The following KIAA1549 variants were observed in gnomAD, a reference collection of about 807,000 sequenced individuals.
KIAA1549 encodes UPF0606 protein KIAA1549.
A neutral mutation model predicts 156.4 loss-of-function variants in KIAA1549; 70 were observed. The ratio of observed to expected loss-of-function variants is 0.45; its 90% CI spans 0.37 to 0.55. The LOEUF (loss-of-function observed/expected upper bound fraction) is 0.55. Ranked by LOEUF, KIAA1549 falls within the 20% of genes least tolerant of loss-of-function variation. The pLI is 0.00. For synonymous variants in KIAA1549, 1,103 were observed against 1,066.4 expected, an observed-to-expected ratio of 1.03 and a Z score of -0.67; for missense variants, 2,428 against 2,540.9, an observed-to-expected ratio of 0.96 and a Z score of 0.96.
chr7:138,866,066 C>A (rs1182222108), intron 15 of KIAA1549, among the ~76,000 whole-genome samples: 4 of 152,170 alleles, frequency 2.6e-5, no homozygotes, highest in African/African-American at 9.6e-5. Context: ...GAACCCAACA[C>A]AGCACAAGAG....
At chr7:138,857,803 G>A (rs755350217) in intron 16 of KIAA1549, among the ~76,000 whole-genome samples, 2 of 152,076 alleles carry the variant, frequency 1.3e-5, no homozygotes, top group Non-Finnish European at 2.9e-5. Context: ...AGCCATTCCA[G>A]CTTTCTATGA....
rs540909171 is a variant in KIAA1549 at position 138,957,096 on chromosome 7, C to T, written c.187+23987G>A. ...AAATGAGGAAGAGAAGTGCATTCCACGCAGAAAGAACAGCATGTGCAAAGG... is the reference window on the plus strand; with the variant it reads ...AAATGAGGAAGAGAAGTGCATTCCATGCAGAAAGAACAGCATGTGCAAAGG... On this transcript the variant is annotated intron_variant, in intron 1 of 19. Coordinates refer to ENST00000422774, the MANE Select transcript of KIAA1549 (RefSeq NM_001164665.2). Among the ~76,000 whole-genome samples, 16 of 152,292 alleles carry T rather than the reference C, an allele frequency of 1.1e-4. No individual in the cohort carries two copies. The East Asian group carries it at 1.5e-3, about 15-fold the overall frequency.
Position 138,903,617 on chromosome 7 carries a change from T to C in KIAA1549, c.3640A>G (p.Thr1214Ala), listed in dbSNP as rs752173419. The C allele has an allele frequency of 3.5e-5, 57 of 1,613,650 alleles. No homozygotes were observed. Among genetic ancestry groups the C allele is most frequent in the Non-Finnish European group, 4.7e-5 (56 of 1,179,854 alleles). ...STRRRMWRRA[T>A]VAAGNSVVQV... Reference sequence around the variant, plus strand: ...ACCACACTGTTCCCTGCAGCTACAGTGGCCCTTCTCCACATCCGCCTTCTG... The same window carrying C: ...ACCACACTGTTCCCTGCAGCTACAGCGGCCCTTCTCCACATCCGCCTTCTG... The change falls in exon 8 of 20, where the codon ACT (threonine) becomes GCT (alanine). Residue 1214 changes from threonine (T) to alanine (A), a missense_variant. By Grantham distance (58) the Thr-to-Ala change is moderately conservative (BLOSUM62 0). Coordinates refer to ENST00000422774, the MANE Select transcript of KIAA1549 (RefSeq NM_001164665.2).
At chr7:138,955,096 G>A (rs767286429) in intron 1 of KIAA1549, among the ~76,000 whole-genome samples, 3 of 152,152 alleles carry the variant, frequency 2.0e-5, no homozygotes, top group Non-Finnish European at 4.4e-5. Context: ...CTATGTGCCA[G>A]AGACACCACT....
chr7:138,923,408 CT>C (rs1812617205), intron 1 of KIAA1549, among the ~76,000 whole-genome samples: 1 of 152,170 alleles, frequency 6.6e-6, no homozygotes, highest in South Asian at 2.1e-4. Flanking sequence ...CGAGACCAGC[CT>C]GGCCAACACG....
intron 1 of KIAA1549, among the ~76,000 whole-genome samples, chr7:138,957,183 C>T (rs1563093251): frequency 1.3e-5 from 2 of 150,130 alleles, no homozygotes; most frequent in Non-Finnish European, 3.0e-5. Context: ...ACTGCCAGAG[C>T]AATACGGTTA....
At chr7:138,854,422 T>G (rs1810323375) in intron 16 of KIAA1549, among the ~76,000 whole-genome samples, 1 of 152,192 alleles carries the variant, frequency 6.6e-6, no homozygotes, top group East Asian at 1.9e-4. Context: ...TCACGTGGCC[T>G]GACTCACTGA....
chr7:138,869,428 T>C (rs1810853485), intron 14 of KIAA1549, 110 bp downstream of exon 14: 1 of 812,098 alleles, frequency 1.2e-6, no homozygotes, highest in Non-Finnish European at 2.0e-6. Flanking sequence ...ACGGATGGGG[T>C]CCTTCTGTCA....
chr7:138,851,654 T>G (rs1343101601), intron 17 of KIAA1549, among the ~76,000 whole-genome samples: 1 of 152,246 alleles, frequency 6.6e-6, no homozygotes, highest in Non-Finnish European at 1.5e-5. Context: ...GATGTTCATT[T>G]GTTTCTGCCA....
intron 1 of KIAA1549, among the ~76,000 whole-genome samples, chr7:138,958,796 T>C (rs1412313084): frequency 6.6e-6 from 1 of 152,142 alleles, no homozygotes; most frequent in Non-Finnish European, 1.5e-5. Flanking sequence ...AACAAACCAG[T>C]ATGATTCAGA....
rs1171128479 is a variant in KIAA1549 at position 138,869,538 on chromosome 7, C to T, written c.4775G>A (p.Ser1592Asn). The change falls in exon 14 of 20, where the codon AGC becomes AAC. Residue 1592 changes from serine (S) to asparagine (N), a missense_variant and splice_region_variant. Ser to Asn is a conservative substitution (Grantham distance 46). Transcript: ENST00000422774. ...CGCCTAGCGCAGAGCCCCAGCCCAC[C>T]TCTTCCTGGGCTCTATGAACACGGA... The part of the protein sequence containing the change: ...VPSVFIEPRK[S>N]SRIKRSPKPR... The T allele has an allele frequency of 6.4e-7, 1 of 1,560,288 alleles. No individual in the cohort carries two copies. The highest frequency in any genetic ancestry group is 8.7e-7 in the Non-Finnish European group (1 of 1,153,120).
chr7:138,923,017 G>T (rs952651631), intron 1 of KIAA1549, among the ~76,000 whole-genome samples: 14 of 152,000 alleles, frequency 9.2e-5, no homozygotes, highest in African/African-American at 3.4e-4. Flanking sequence ...AAGACAAAGA[G>T]AAATTGTAAA....
chr7:138,902,767 C>T (rs1427448628), intron 8 of KIAA1549, among the ~76,000 whole-genome samples: 2 of 152,018 alleles, frequency 1.3e-5, no homozygotes, highest in Non-Finnish European at 2.9e-5. Context: ...TGAGATCATG[C>T]CACTGCAGTC....
chr7:138,909,137 A>G lies in KIAA1549; in HGVS notation c.3146-16T>C, dbSNP rs1032580466. ...AACTGAAGTACTGAAAAGAAAAGCA[A>G]TCAAAGTCCCATAAATGAGGTGTTT... is the stretch of plus-strand genomic sequence containing the variant. On this transcript the variant is annotated splice_polypyrimidine_tract_variant and intron_variant, in intron 4 of 19. Coordinates refer to ENST00000422774, the MANE Select transcript of KIAA1549 (RefSeq NM_001164665.2). 1.2e-6 allele frequency: 2 copies of G among 1,607,190 alleles called. No homozygotes were observed. Among genetic ancestry groups the G allele is most frequent in the African/African-American group, 2.7e-5 (2 of 74,872 alleles).
At chr7:138,975,566 C>G (rs1450914031) in intron 1 of KIAA1549, among the ~76,000 whole-genome samples, 3 of 152,048 alleles carry the variant, frequency 2.0e-5, no homozygotes, top group African/African-American at 7.2e-5. Flanking sequence ...TTTCTTACAC[C>G]GAGGAGGAAA....
chr7:138,887,115 G>A (rs930424330), intron 10 of KIAA1549, among the ~76,000 whole-genome samples: 10 of 151,864 alleles, frequency 6.6e-5, no homozygotes, highest in Admixed American at 6.6e-5. Context: ...TCACCATGTT[G>A]GCCAGGCTGG....
intron 1 of KIAA1549, among the ~76,000 whole-genome samples, chr7:138,939,872 C>T (rs991833434): frequency 2.0e-5 from 3 of 152,132 alleles, no homozygotes; most frequent in African/African-American, 4.8e-5. Flanking sequence ...TCCAGCCGGG[C>T]GTGGTGGCTC....
intron 10 of KIAA1549, among the ~76,000 whole-genome samples, chr7:138,883,669 C>T (rs1472388655): frequency 6.6e-6 from 1 of 152,152 alleles, no homozygotes; most frequent in Non-Finnish European, 1.5e-5. Flanking sequence ...TTTCTGATGA[C>T]ATGAAAAGTG....
intron 12 of KIAA1549, among the ~76,000 whole-genome samples, chr7:138,874,011 T>C (rs1409169380): frequency 2.0e-5 from 3 of 148,356 alleles, no homozygotes; most frequent in African/African-American, 7.4e-5. Flanking sequence ...TATAGAACTG[T>C]ATATGTAATA....
Sources: gnomAD v4.1 joint callset for allele counts (sites outside exome capture counted in the v4.1 genomes callset) on GRCh38, gnomAD v4.1.1 for gene constraint, MANE v1.5 for transcripts, NCBI Gene and HGNC (gene_info 2026-07-23, HGNC 2026-07-21) for gene names.